Variants in ANKFN1 observed in about 807,000 individuals in gnomAD.
The protein encoded by ANKFN1 is ankyrin repeat and fibronectin type III domain containing 1, also known as ankyrin repeat and fibronectin type-III domain-containing protein 1.
Under a neutral mutation model 108.7 loss-of-function variants are expected in ANKFN1, and 74 were observed. That is an observed-to-expected ratio of 0.68 (90% CI 0.56 to 0.83). The LOEUF (loss-of-function observed/expected upper bound fraction) is 0.83, where lower values mean the gene tolerates loss of function less well. ANKFN1 is among the 40% of genes least tolerant of loss of function. The pLI is 0.00. For synonymous variants in ANKFN1, 547 were observed against 516.2 expected (o/e 1.06, Z -0.81); for missense variants, 1,505 against 1,382.3 (o/e 1.09, Z -1.41).
At chr17:56,414,807 C>T (rs567465530) in intron 8 of ANKFN1, among the ~76,000 whole-genome samples, 1 of 152,082 alleles carries the variant, frequency 6.6e-6, no homozygotes, top group South Asian at 2.1e-4. Context: ...TTGCTTAAGT[C>T]CAGGAGTTTG....
At chr17:56,208,906 C>CA (rs1030231732) in intron 1 of ANKFN1, among the ~76,000 whole-genome samples, 1 of 151,820 alleles carries the variant, frequency 6.6e-6, no homozygotes, top group Non-Finnish European at 1.5e-5. Flanking sequence ...TTTTTTAAGA[C>CA]AGAGTCTCGC....
At chr17:56,347,191 T>G (rs899915787) in intron 4 of ANKFN1, among the ~76,000 whole-genome samples, 3 of 152,010 alleles carry the variant, frequency 2.0e-5, no homozygotes, top group African/African-American at 7.2e-5. Context: ...AAGTCTCTAC[T>G]TGAGTACATA....
intron 8 of ANKFN1, among the ~76,000 whole-genome samples, chr17:56,403,180 G>A (rs1271611379): frequency 1.3e-5 from 2 of 152,078 alleles, no homozygotes; most frequent in Non-Finnish European, 2.9e-5. Flanking sequence ...TGTGGTTGTT[G>A]GATGAACTGT....
At chr17:56,492,397 C>CAGGGT (rs1370034668) in intron 19 of ANKFN1, 44 bp downstream of exon 19, 2 of 691,012 alleles carry the variant, frequency 2.9e-6, no homozygotes, top group African/African-American at 3.5e-5. Context: ...GGAGAAGAGG[C>CAGGGT]AGGGTGGAAA....
upstream of ANKFN1, among the ~76,000 whole-genome samples, chr17:56,149,146 G>A (rs1555600681): frequency 6.6e-6 from 1 of 152,062 alleles, no homozygotes; most frequent in Non-Finnish European, 1.5e-5. Flanking sequence ...GTGAGAGGGG[G>A]TAGTCTTTTC....
Position 56,460,206 on chromosome 17 carries a change from A to G in ANKFN1, c.1557+2227A>G, listed in dbSNP as rs772479594. 2.6e-5 allele frequency among the ~76,000 whole-genome samples: 4 copies of G among 152,292 alleles called. No individual in the cohort carries two copies. The Middle Eastern group carries it at 0.01, about 389-fold the overall frequency. ...GCAACTATTTTAAAACCTTCTCCCC[A>G]GCACTTTGGGAGGCTGGCAGGTGGA... On this transcript the variant is annotated intron_variant, in intron 14 of 20. Transcript: ENST00000682825.
At chr17:56,508,426 A>G (rs1545262) in intron 20 of ANKFN1, among the ~76,000 whole-genome samples, 1 of 152,226 alleles carries the variant, frequency 6.6e-6, no homozygotes, top group Non-Finnish European at 1.5e-5. Context: ...AAAGAAATGT[A>G]CAGGAAATCC....
chr17:56,510,865 C>T lies in ANKFN1; in HGVS notation c.3037C>T (p.Arg1013Cys), dbSNP rs899672787. The T allele has an allele frequency of 1.2e-4, 184 of 1,536,100 alleles. No homozygotes were observed. Among genetic ancestry groups the T allele is most frequent in the Middle Eastern group, 3.3e-4 (2 of 5,990 alleles). The change falls in exon 21 of 21, where the codon CGC (arginine) becomes TGC (cysteine). Residue 1013 changes from arginine (R) to cysteine (C), a missense_variant. Transcript: ENST00000682825. ...GKHPHYGGFS[R>C]HHRWLRIHSE... ...GCACCCCCACTATGGCGGCTTCAGCCGCCATCATCGCTGGTTGCGCATCCA... is the reference window on the plus strand; with the variant it reads ...GCACCCCCACTATGGCGGCTTCAGCTGCCATCATCGCTGGTTGCGCATCCA...
intron 19 of ANKFN1, among the ~76,000 whole-genome samples, chr17:56,495,974 T>C (rs1598722856): frequency 6.6e-6 from 1 of 152,260 alleles, no homozygotes; most frequent in East Asian, 1.9e-4. Context: ...TCAACAGACC[T>C]AGGGAATTCA....
At chr17:56,074,815 G>A (rs1391638868) in intron 4 of ANKFN1, among the ~76,000 whole-genome samples, 4 of 152,164 alleles carry the variant, frequency 2.6e-5, no homozygotes, top group Non-Finnish European at 4.4e-5. Flanking sequence ...TTGGCAAAGC[G>A]TACCCAAGTG....
In ANKFN1 at chr17:56,515,015, G is replaced by A. The variant is rs1279692186; in HGVS notation, c.*3746G>A. Among the ~76,000 whole-genome samples the A allele has an allele frequency of 6.6e-6, 1 of 151,950 alleles. No homozygotes were observed. The highest frequency in any genetic ancestry group is 6.6e-5 in the Admixed American group (1 of 15,236). ...GAAAATACCTGCTTGGCCTCCTCTG[G>A]TTCTTCATCCTGCAACCAAGATGTA... is the stretch of plus-strand genomic sequence containing the variant. On this transcript the variant is annotated 3_prime_UTR_variant, in exon 21 of 21. Coordinates refer to ENST00000682825, the MANE Select transcript of ANKFN1 (RefSeq NM_001370326.1).
intron 4 of ANKFN1, among the ~76,000 whole-genome samples, chr17:56,338,410 C>A (rs1039865682): frequency 4.6e-5 from 7 of 152,058 alleles, no homozygotes; most frequent in Admixed American, 3.9e-4. Context: ...ATGTAACAAA[C>A]CTGTACATTG....
intron 3 of ANKFN1, among the ~76,000 whole-genome samples, chr17:56,317,254 A>T (rs998759738): frequency 2.6e-5 from 4 of 152,338 alleles, no homozygotes; most frequent in African/African-American, 9.6e-5. Context: ...TTAAAAAAGA[A>T]AAAAGCCAGA....
At chr17:56,223,453 A>G (rs983377509) in intron 2 of ANKFN1, among the ~76,000 whole-genome samples, 1 of 152,222 alleles carries the variant, frequency 6.6e-6, no homozygotes, top group African/African-American at 2.4e-5. Flanking sequence ...TCATTTATAA[A>G]TAAACACGCT....
chr17:56,148,885 A>T (rs1908425291), upstream of ANKFN1, among the ~76,000 whole-genome samples: 1 of 152,168 alleles, frequency 6.6e-6, no homozygotes, highest in African/African-American at 2.4e-5. Flanking sequence ...TTTTTTGAGT[A>T]CTTACAATGA....
At chr17:56,067,236 A>G (rs904034988) in intron 4 of ANKFN1, among the ~76,000 whole-genome samples, 1 of 152,130 alleles carries the variant, frequency 6.6e-6, no homozygotes, top group Non-Finnish European at 1.5e-5. Context: ...ACTCCATTAT[A>G]TATATATACC....
At chr17:56,101,508 A>G (rs936535294) in intron 4 of ANKFN1, among the ~76,000 whole-genome samples, 1 of 152,232 alleles carries the variant, frequency 6.6e-6, no homozygotes, top group Admixed American at 6.5e-5. Context: ...TTAATGAAGT[A>G]TTTCTTAGCA....
Position 56,511,508 on chromosome 17 carries a change from G to A in ANKFN1, c.*239G>A. 7.6e-6 allele frequency: 4 copies of A among 529,626 alleles called. No homozygotes were observed. In the South Asian group the frequency reaches 7.9e-5, roughly 11 times the overall value. 32.8% of individuals were successfully genotyped at this position (529,626 alleles called of 1,614,324 possible). A position where few individuals can be genotyped will look rare whatever the true frequency, so the allele number is the denominator to read the frequency against. ...GGCATGGGGGAGTTGTGTCAACATG[G>A]AATACGACATACAGTGACTCAAACA... On this transcript the variant is annotated 3_prime_UTR_variant, in exon 21 of 21. Coordinates refer to ENST00000682825, the MANE Select transcript of ANKFN1 (RefSeq NM_001370326.1).
chr17:56,378,064 C>G (rs978529779), intron 8 of ANKFN1, among the ~76,000 whole-genome samples: 1 of 152,116 alleles, frequency 6.6e-6, no homozygotes, highest in Non-Finnish European at 1.5e-5. Flanking sequence ...TTTAACTGCT[C>G]GTCATTTGAT....
Sources: allele counts gnomAD v4.1 joint callset (sites outside exome capture counted in the v4.1 genomes callset), GRCh38; gene constraint gnomAD v4.1.1; transcripts MANE v1.5; gene names NCBI Gene and HGNC (gene_info 2026-07-23, HGNC 2026-07-21).